Variants in AGAP1 observed in about 807,000 individuals in gnomAD.
AGAP1 encodes the protein ArfGAP with GTPase domain, ankyrin repeat and PH domain 1, also known as arf-GAP with GTPase, ANK repeat and PH domain-containing protein 1.
AGAP1 carries 29 observed loss-of-function variants against 105.3 expected under a neutral mutation model. The observed-to-expected ratio is 0.28, with a 90% CI of 0.21 to 0.38. The LOEUF (loss-of-function observed/expected upper bound fraction) is 0.38. Ranked by LOEUF, AGAP1 falls within the 10% of genes least tolerant of loss-of-function variation. AGAP1 has a pLI of 1.00. For missense variants in AGAP1, 998 were observed against 1,165.1 expected, an observed-to-expected ratio of 0.86 and a Z score of 2.09; for synonymous variants, 509 against 485.9, an observed-to-expected ratio of 1.05 and a Z score of -0.63.
At chr2:235,778,219 A>G (rs1392820270) in intron 6 of AGAP1, among the ~76,000 whole-genome samples, 3 of 152,128 alleles carry the variant, frequency 2.0e-5, no homozygotes, top group Non-Finnish European at 4.4e-5. Context: ...GTATTGGTTC[A>G]TGTACCTTGT....
intron 1 of AGAP1, among the ~76,000 whole-genome samples, chr2:235,693,486 T>C (rs1303267452): frequency 6.6e-6 from 1 of 152,176 alleles, no homozygotes; most frequent in Non-Finnish European, 1.5e-5. Flanking sequence ...AGCCAGGTAC[T>C]GAAGGCTTTA....
chr2:235,793,680 G>A lies in AGAP1; in HGVS notation c.674-4079G>A, dbSNP rs184855304. Among the ~76,000 whole-genome samples the A allele has an allele frequency of 6.6e-6, 1 of 152,158 alleles. No individual in the cohort carries two copies. The highest frequency in any genetic ancestry group is 1.5e-5 in the Non-Finnish European group (1 of 68,028). On this transcript the variant is annotated intron_variant, in intron 6 of 17. Transcript: ENST00000304032. This position sits in a 1 kb window ranked among gnomAD's most constrained non-coding sequence, Gnocchi z 5.3. ...AAAGGAGGAAGGGGGAGGAGGAGGAGCTGTCCTCTGGTTATAGAGGGCGTG... is the reference window on the plus strand; with the variant it reads ...AAAGGAGGAAGGGGGAGGAGGAGGAACTGTCCTCTGGTTATAGAGGGCGTG...
At position 235,960,983 on chromosome 2, in the gene AGAP1, G is replaced by A. The variant is rs1431433678; in HGVS notation, c.1484-7479G>A. On this transcript the variant is annotated intron_variant, in intron 12 of 17. Coordinates refer to ENST00000304032, the MANE Select transcript of AGAP1 (RefSeq NM_001037131.3). This position sits in a 1 kb window ranked among gnomAD's most constrained non-coding sequence, Gnocchi z 4.9. ...AGAAAGTGGTCCGTTCCATCCACCC[G>A]CGCAAGTGTCTGTCACACAGAGGTT... 1.3e-5 allele frequency among the ~76,000 whole-genome samples: 2 copies of A among 152,138 alleles called. No homozygotes were observed. Among genetic ancestry groups the A allele is most frequent in the Admixed American group, 6.5e-5 (1 of 15,280 alleles).
intron 1 of AGAP1, among the ~76,000 whole-genome samples, chr2:235,543,632 T>C (rs955139229): frequency 6.6e-6 from 1 of 152,156 alleles, no homozygotes; most frequent in Non-Finnish European, 1.5e-5. Context: ...ATTACAGTGC[T>C]TGGGAGAGCA....
intron 13 of AGAP1, among the ~76,000 whole-genome samples, chr2:236,034,693 G>A (rs1319176639): frequency 6.6e-6 from 1 of 152,204 alleles, no homozygotes; most frequent in African/African-American, 2.4e-5. Flanking sequence ...CAAGGACAGG[G>A]TGGGTCTCAG....
At chr2:236,029,432 C>T (rs1354022363) in intron 13 of AGAP1, among the ~76,000 whole-genome samples, 1 of 135,164 alleles carries the variant, frequency 7.4e-6, no homozygotes, top group Non-Finnish European at 1.6e-5. Context: ...CGTGCCACCA[C>T]ACCCAGCCAT....
chr2:235,957,489 G>A lies in AGAP1; in HGVS notation c.1484-10973G>A, dbSNP rs2053999367. Among the ~76,000 whole-genome samples, 1 of 152,176 alleles carries A rather than the reference G, an allele frequency of 6.6e-6. No homozygotes were observed. The highest frequency in any genetic ancestry group is 1.5e-5 in the Non-Finnish European group (1 of 68,030). On this transcript the variant is annotated intron_variant, in intron 12 of 17. Transcript: ENST00000304032. The surrounding 1 kb of genome is among the most constrained non-coding windows in gnomAD (Gnocchi z 4.6). ...CCTCTGACATTGTGTACCTCTGTGT[G>A]AGCGGCAAAGGGAAAGGGACAATAA...
rs2059002500 is a variant in AGAP1, at chr2:236,089,246, T to TA, written c.2115-30943dup. Reference sequence around the variant, plus strand: ...ATTTCCCCAAGAAAAAATAAAAAGTTAAAGTCAGTCTAGTCAATTGCTTTA... The same window carrying TA: ...ATTTCCCCAAGAAAAAATAAAAAGTTAAAAGTCAGTCTAGTCAATTGCTTTA... On this transcript the variant is annotated intron_variant, in intron 16 of 17. Coordinates refer to ENST00000304032, the MANE Select transcript of AGAP1 (RefSeq NM_001037131.3). This position sits in a 1 kb window ranked among gnomAD's most constrained non-coding sequence, Gnocchi z 5.6. Among the ~76,000 whole-genome samples the TA allele has an allele frequency of 6.6e-6, 1 of 152,208 alleles. No individual in the cohort carries two copies. The highest frequency in any genetic ancestry group is 2.1e-4 in the South Asian group (1 of 4,822).
chr2:236,120,426 C>T lies in AGAP1; in HGVS notation c.2349C>T (p.Val783=), dbSNP rs1404549732. The T allele has an allele frequency of 3.0e-5, 49 of 1,611,408 alleles. No homozygotes were observed. The highest frequency in any genetic ancestry group is 4.2e-5 in the Non-Finnish European group (49 of 1,179,776). Reference sequence around the variant, plus strand: ...TGGCCTGCCGCAAGGGGAATGTGGTCCTGGCGCAGCTCCTGATCTGGGTAG... The same window carrying T: ...TGGCCTGCCGCAAGGGGAATGTGGTTCTGGCGCAGCTCCTGATCTGGGTAG... ...LHLACRKGNV[V]LAQLLIWYGV... is the part of the protein sequence containing the mutation. Residue 783 remains valine (V), a synonymous_variant, in exon 17 of 18, where the codon GTC becomes GTT. Coordinates refer to ENST00000304032, the MANE Select transcript of AGAP1 (RefSeq NM_001037131.3). This position sits in a 1 kb window ranked among gnomAD's most constrained non-coding sequence, Gnocchi z 6.0.
At position 235,904,303 on chromosome 2, in the gene AGAP1, G is replaced by T. The variant is rs544810674; in HGVS notation, c.1156-4435G>T. Reference sequence around the variant, plus strand: ...GAGGCACAGTTACCGAGCAATTGGCGGGTTCGGAAACAGGTCCCTTTGCTC... The same window carrying T: ...GAGGCACAGTTACCGAGCAATTGGCTGGTTCGGAAACAGGTCCCTTTGCTC... On this transcript the variant is annotated intron_variant, in intron 10 of 17. Coordinates refer to ENST00000304032, the MANE Select transcript of AGAP1 (RefSeq NM_001037131.3). The surrounding 1 kb of genome is among the most constrained non-coding windows in gnomAD (Gnocchi z 4.2). 1.3e-5 allele frequency among the ~76,000 whole-genome samples: 2 copies of T among 152,306 alleles called. No individual in the cohort carries two copies. Among genetic ancestry groups the T allele is most frequent in the African/African-American group, 4.8e-5 (2 of 41,572 alleles).
rs138364081 is a variant in AGAP1 at position 236,123,941 on chromosome 2, G to A, written c.2393G>A (p.Arg798Gln). Reference protein sequence around the residue: ...LIWYGVDVTARDAHGNTALAY... With the variant: ...LIWYGVDVTAQDAHGNTALAY... ...CAGTACGGAGTGGACGTCACGGCCC[G>A]AGATGCCCACGGGAACACAGCTCTG... Residue 798 changes from arginine to glutamine, a missense_variant, in exon 18 of 18, where the codon CGA (arginine) becomes CAA (glutamine). By Grantham distance (43) the Arg-to-Gln change is conservative (BLOSUM62 1). Around this residue, in one of 3 missense-constraint regions of AGAP1, gnomAD observed 235 missense variants for 270.7 expected, o/e 0.87. Transcript: ENST00000304032. This position sits in a 1 kb window ranked among gnomAD's most constrained non-coding sequence, Gnocchi z 4.6. The A allele has an allele frequency of 5.4e-4, 876 of 1,613,284 alleles. No homozygotes were observed. Among genetic ancestry groups the A allele is most frequent in the Non-Finnish European group, 7.1e-4 (838 of 1,179,896 alleles).
intron 10 of AGAP1, among the ~76,000 whole-genome samples, chr2:235,886,452 C>T (rs1286179128): frequency 6.6e-6 from 1 of 152,222 alleles, no homozygotes; most frequent in Non-Finnish European, 1.5e-5. Context: ...GTTTGCTTTT[C>T]ATCCAATCCC....
intron 16 of AGAP1, among the ~76,000 whole-genome samples, chr2:236,097,622 C>CA (rs1165004498): frequency 1.3e-5 from 2 of 151,894 alleles, no homozygotes; most frequent in African/African-American, 4.8e-5. Context: ...CAGCCAGGCG[C>CA]AGTGTCTCAC....
rs74450665 is a variant in AGAP1, at chr2:235,873,813, G to A, written c.1051-9532G>A. On this transcript the variant is annotated intron_variant, in intron 9 of 17. Coordinates refer to ENST00000304032, the MANE Select transcript of AGAP1 (RefSeq NM_001037131.3). Reference sequence around the variant, plus strand: ...CACAATCACGACTCACTGCAGCCTCGACCTCCTGAGCTCAGGCAGTTCTCT... The same window carrying A: ...CACAATCACGACTCACTGCAGCCTCAACCTCCTGAGCTCAGGCAGTTCTCT... Among the ~76,000 whole-genome samples, 1,019 of 150,522 alleles carry A rather than the reference G, an allele frequency of 6.8e-3. 7 individuals carry two copies. The highest frequency in any genetic ancestry group is 0.024 in the African/African-American group (989 of 40,928).
chr2:236,049,841 C>T (rs1315998722), intron 16 of AGAP1: 1 of 152,264 alleles, frequency 6.6e-6, no homozygotes, highest in Non-Finnish European at 1.5e-5. Context: ...TATTTTGAGG[C>T]CATTTAGTTT....
rs931889645 is a variant in AGAP1 at position 235,601,311 on chromosome 2, A to G, written c.163+106462A>G. ...GAGGCGAGAAGGGAAGGAGAAAGAG[A>G]TGGAGACAGGTTTGCTGTCTCTTCC... On this transcript the variant is annotated intron_variant, in intron 1 of 17. Coordinates refer to ENST00000304032, the MANE Select transcript of AGAP1 (RefSeq NM_001037131.3). The surrounding 1 kb of genome is among the most constrained non-coding windows in gnomAD (Gnocchi z 4.4). Among the ~76,000 whole-genome samples, 1 of 152,138 alleles carries G rather than the reference A, an allele frequency of 6.6e-6. No individual in the cohort carries two copies. Among genetic ancestry groups the G allele is most frequent in the East Asian group, 1.9e-4 (1 of 5,184 alleles).
rs1386594613 is a variant in AGAP1 at position 235,845,271 on chromosome 2, G to T, written c.1050+37940G>T. On this transcript the variant is annotated intron_variant, in intron 9 of 17. Coordinates refer to ENST00000304032, the MANE Select transcript of AGAP1 (RefSeq NM_001037131.3). The surrounding 1 kb of genome is among the most constrained non-coding windows in gnomAD (Gnocchi z 4.8). ...GGGAGACAGCCAGACCCCTGCACAG[G>T]AGTCTAGAGGCTGAGTCTGTAACTA... Among the ~76,000 whole-genome samples, 2 of 152,138 alleles carry T rather than the reference G, an allele frequency of 1.3e-5. No individual in the cohort carries two copies. Among genetic ancestry groups the T allele is most frequent in the East Asian group, 1.9e-4 (1 of 5,190 alleles).
intron 1 of AGAP1, among the ~76,000 whole-genome samples, chr2:235,683,848 G>GC (rs1346320952): frequency 2.0e-4 from 26 of 132,426 alleles, no homozygotes; most frequent in Admixed American, 1.5e-3. Context: ...TCCCTCCCAA[G>GC]CCCCCCGTCC....
intron 16 of AGAP1, among the ~76,000 whole-genome samples, chr2:236,064,773 G>A (rs2058300215): frequency 6.6e-6 from 1 of 152,102 alleles, no homozygotes; most frequent in African/African-American, 2.4e-5. Context: ...ACCCTTCCTC[G>A]GAGAATTCTT....
Sources: gnomAD v4.1 joint callset for allele counts (sites outside exome capture counted in the v4.1 genomes callset) on GRCh38, gnomAD v4.1.1 for gene constraint, gnomAD v4.1.1 regional missense constraint, Gnocchi (gnomAD v3.1) non-coding constraint, MANE v1.5 for transcripts, NCBI Gene and HGNC (gene_info 2026-07-23, HGNC 2026-07-21) for gene names.